The following KDM2A variants were observed in gnomAD, a reference collection of about 807,000 sequenced individuals.
KDM2A encodes the protein lysine demethylase 2A, also known as lysine-specific demethylase 2A.
Under a neutral mutation model 137.3 loss-of-function variants are expected in KDM2A, and 3 were observed. The observed-to-expected ratio is 0.02, with a 90% confidence interval of 0.01 to 0.06. KDM2A has a LOEUF of 0.06. Ranked by LOEUF, KDM2A falls within the 10% of genes least tolerant of loss-of-function variation. The pLI is 1.00. For missense variants in KDM2A, 738 were observed against 1,510.6 expected, an observed-to-expected ratio of 0.49 and a Z score of 8.48; for synonymous variants, 512 against 541.5, an observed-to-expected ratio of 0.95 and a Z score of 0.76.
chr11:67,175,107 G>GT (rs1565389317), intron 2 of KDM2A, among the ~76,000 whole-genome samples: 1 of 152,154 alleles, frequency 6.6e-6, no homozygotes, highest in Admixed American at 6.5e-5. Flanking sequence ...TACCTTTTGA[G>GT]TTTCACCTAT....
chr11:67,169,905 G>T (rs940124175), intron 2 of KDM2A, among the ~76,000 whole-genome samples: 1 of 151,054 alleles, frequency 6.6e-6, no homozygotes, highest in African/African-American at 2.4e-5. Context: ...TTACAGGCAC[G>T]TGCCACCATG....
intron 3 of KDM2A, among the ~76,000 whole-genome samples, chr11:67,180,956 C>G (rs900436208): frequency 3.4e-5 from 5 of 148,532 alleles, no homozygotes; most frequent in African/African-American, 1.3e-4. Flanking sequence ...GCCACCACAC[C>G]TGGCCCTTTT....
intron 5 of KDM2A, among the ~76,000 whole-genome samples, chr11:67,207,072 C>T (rs529950763): frequency 3.7e-4 from 56 of 152,276 alleles, no homozygotes; most frequent in African/African-American, 1.3e-3. Flanking sequence ...ATACTTCATT[C>T]AAATTATGAG....
chr11:67,195,625 CTT>C (rs1172124911), intron 5 of KDM2A: 2 of 154,812 alleles, frequency 1.3e-5, no homozygotes, highest in East Asian at 1.9e-4. Context: ...TTGCAAAACT[CTT>C]TATTTCCTTT....
chr11:67,210,829 G>A (rs1359120942), intron 6 of KDM2A, among the ~76,000 whole-genome samples: 3 of 152,028 alleles, frequency 2.0e-5, no homozygotes, highest in African/African-American at 4.8e-5. Context: ...GAAAAGTATC[G>A]ACCAGGTCAA....
At chr11:67,210,503 T>C (rs547112420) in intron 6 of KDM2A, among the ~76,000 whole-genome samples, 33 of 152,318 alleles carry the variant, frequency 2.2e-4, no homozygotes, top group African/African-American at 7.0e-4. Context: ...ATTTATTCAC[T>C]CTGTCCCTAG....
intron 2 of KDM2A, among the ~76,000 whole-genome samples, chr11:67,157,842 G>A (rs540928513): frequency 6.6e-5 from 10 of 151,980 alleles, no homozygotes; most frequent in Admixed American, 3.3e-4. Context: ...GTGGGTACCT[G>A]TAGTCTCAGC....
intron 2 of KDM2A, among the ~76,000 whole-genome samples, chr11:67,165,935 T>A (rs781577665): frequency 2.0e-5 from 3 of 152,138 alleles, no homozygotes; most frequent in Non-Finnish European, 4.4e-5. Flanking sequence ...TCATTAATCC[T>A]TATATTCTAG....
At chr11:67,249,643 C>T (rs538278713) in intron 16 of KDM2A, among the ~76,000 whole-genome samples, 9 of 152,252 alleles carry the variant, frequency 5.9e-5, no homozygotes, top group Admixed American at 5.9e-4. Flanking sequence ...TTGTTATCTG[C>T]TTTATTATTC....
chr11:67,205,200 G>T (rs1186294834), intron 5 of KDM2A, among the ~76,000 whole-genome samples: 1 of 152,172 alleles, frequency 6.6e-6, no homozygotes, highest in Non-Finnish European at 1.5e-5. Context: ...AGCGATCCTA[G>T]TGGGTGTGAA....
In KDM2A at chr11:67,254,921, G is replaced by C; in HGVS notation, c.3355G>C (p.Ala1119Pro). The C allele has an allele frequency of 6.2e-7, 1 of 1,613,986 alleles. No individual in the cohort carries two copies. Residue 1119 changes from alanine to proline, a missense_variant, in exon 21 of 21, where the codon GCC (alanine) becomes CCC (proline). Around this residue, in one of 9 missense-constraint regions of KDM2A, gnomAD observed 166 missense variants for 324.0 expected, o/e 0.51. Coordinates refer to ENST00000529006, the MANE Select transcript of KDM2A (RefSeq NM_012308.3). The surrounding 1 kb of genome is among the most constrained non-coding windows in gnomAD (Gnocchi z 4.7). ...DQTLIYLRRI[A>P]NVTLIDLRGC... ...GACCCTGATCTACCTACGGCGCATT[G>C]CCAACGTCACCTTGATCGACCTTCG...
intron 12 of KDM2A, among the ~76,000 whole-genome samples, chr11:67,241,687 T>C (rs1319012888): frequency 6.6e-6 from 1 of 152,190 alleles, no homozygotes; most frequent in Non-Finnish European, 1.5e-5. Context: ...TTTATTTTGC[T>C]GTTGGTGTTG....
chr11:67,196,061 C>G lies in KDM2A; in HGVS notation c.308-11449C>G, dbSNP rs570237640. 2.5e-5 allele frequency: 10 copies of G among 400,924 alleles called. No homozygotes were observed. The East Asian group carries it at 6.4e-4, about 26-fold the overall frequency. 24.8% of individuals were successfully genotyped at this position (400,924 alleles called of 1,614,324 possible). Reference sequence around the variant, plus strand: ...ATGTAATCTTTTTATTGCGTACCCACCCCATCCCAGTTAAGCTGAGTCACA... The same window carrying G: ...ATGTAATCTTTTTATTGCGTACCCAGCCCATCCCAGTTAAGCTGAGTCACA... On this transcript the variant is annotated intron_variant, in intron 5 of 20. Transcript: ENST00000529006.
intron 17 of KDM2A, among the ~76,000 whole-genome samples, chr11:67,251,858 A>G (rs1247325339): frequency 2.0e-5 from 3 of 152,212 alleles, no homozygotes; most frequent in African/African-American, 7.2e-5. Context: ...TAGTGTATCT[A>G]AATTCTCCTT....
At chr11:67,241,273 G>A (rs1223257300) in intron 12 of KDM2A, among the ~76,000 whole-genome samples, 3 of 152,090 alleles carry the variant, frequency 2.0e-5, no homozygotes, top group African/African-American at 7.2e-5. Context: ...ACCACACCCC[G>A]CCTCTTCACC....
intron 5 of KDM2A, 32 bp from the exon 6 acceptor site, chr11:67,207,478 G>T: frequency 6.6e-7 from 1 of 1,513,658 alleles, no homozygotes. Flanking sequence ...TTAGTGGCTC[G>T]ATAGAGATGA....
intron 2 of KDM2A, among the ~76,000 whole-genome samples, chr11:67,125,966 C>T (rs1481731501): frequency 6.9e-6 from 1 of 145,344 alleles, no homozygotes; most frequent in Non-Finnish European, 1.5e-5. Flanking sequence ...AAAAAAAAGG[C>T]CAGGCACAGT....
intron 2 of KDM2A, among the ~76,000 whole-genome samples, chr11:67,121,644 T>A (rs557101551): frequency 5.9e-5 from 9 of 152,324 alleles, no homozygotes; most frequent in Non-Finnish European, 1.3e-4. Flanking sequence ...TGACAAAGAT[T>A]CCTGATTTTA....
chr11:67,131,315 A>T (rs991121722), intron 2 of KDM2A, among the ~76,000 whole-genome samples: 3 of 151,288 alleles, frequency 2.0e-5, no homozygotes, highest in African/African-American at 7.3e-5. Context: ...CAAGAGCGAA[A>T]CTCCGTCTCA....
Sources: gnomAD v4.1 joint callset for allele counts (sites outside exome capture counted in the v4.1 genomes callset) on GRCh38, gnomAD v4.1.1 for gene constraint, gnomAD v4.1.1 regional missense constraint, Gnocchi (gnomAD v3.1) non-coding constraint, MANE v1.5 for transcripts, NCBI Gene and HGNC (gene_info 2026-07-23, HGNC 2026-07-21) for gene names.